Variants in GRAMD2A observed in about 807,000 individuals in gnomAD.
GRAMD2A encodes GRAM domain-containing protein 2A.
GRAMD2A carries 37 observed loss-of-function variants against 51.1 expected under a neutral mutation model. The observed-to-expected ratio is 0.72, with a 90% CI of 0.56 to 0.95. The LOEUF (loss-of-function observed/expected upper bound fraction) is 0.95, where lower values mean the gene tolerates loss of function less well. GRAMD2A is among the 40% of genes least tolerant of loss of function. GRAMD2A has a pLI of 0.00. For synonymous variants in GRAMD2A, 136 were observed against 157.1 expected, an observed-to-expected ratio of 0.87 and a Z score of 1.01; for missense variants, 414 against 426.9, an observed-to-expected ratio of 0.97 and a Z score of 0.27.
At chr15:72,188,745 T>C (rs982653028) in intron 1 of GRAMD2A, among the ~76,000 whole-genome samples, 4 of 152,122 alleles carry the variant, frequency 2.6e-5, no homozygotes, top group Admixed American at 2.6e-4. Flanking sequence ...TGCAGTGGCA[T>C]GATCTTGGCT....
At chr15:72,194,594 G>A (rs1024308662) in intron 1 of GRAMD2A, among the ~76,000 whole-genome samples, 2 of 152,144 alleles carry the variant, frequency 1.3e-5, no homozygotes, top group African/African-American at 4.8e-5. Context: ...TTTTTATCCA[G>A]AACTTAAAAC....
At chr15:72,184,025 T>TGCCCTCC (rs1433188198) in intron 1 of GRAMD2A, among the ~76,000 whole-genome samples, 1 of 152,166 alleles carries the variant, frequency 6.6e-6, no homozygotes, top group Non-Finnish European at 1.5e-5. Context: ...CCTCTGAACC[T>TGCCCTCC]GCCCTCCGCC....
chr15:72,180,187 G>A (rs1275924196), intron 1 of GRAMD2A, among the ~76,000 whole-genome samples: 1 of 152,214 alleles, frequency 6.6e-6, no homozygotes, highest in Non-Finnish European at 1.5e-5. Flanking sequence ...GGGATATCCA[G>A]GATTTCCTAC....
At position 72,195,777 on chromosome 15, in the gene GRAMD2A, G is replaced by A. The variant is rs1297640029; in HGVS notation, c.41+1954C>T. Among the ~76,000 whole-genome samples the A allele has an allele frequency of 3.9e-5, 6 of 152,174 alleles. No individual in the cohort carries two copies. In the East Asian group the frequency reaches 5.8e-4, roughly 15 times the overall value. On this transcript the variant is annotated intron_variant, in intron 1 of 11. Coordinates refer to ENST00000309731, the MANE Select transcript of GRAMD2A (RefSeq NM_001012642.3). ...TCTACTAAAAAATACAAAATTAGCC[G>A]GGTGTGGTGGCGCATGCCTGTAATC...
intron 10 of GRAMD2A, 101 bp downstream of exon 10, chr15:72,163,165 C>G: frequency 1.3e-6 from 1 of 768,188 alleles, no homozygotes; most frequent in Non-Finnish European, 2.2e-6. Flanking sequence ...CAGAAACTTC[C>G]CCCTGGTTCT....
intron 1 of GRAMD2A, among the ~76,000 whole-genome samples, chr15:72,193,573 A>C (rs965391678): frequency 6.8e-6 from 1 of 148,064 alleles, no homozygotes; most frequent in African/African-American, 2.5e-5. Context: ...CCCAGGCTGG[A>C]GTACAGTGGC....
intron 1 of GRAMD2A, 94 bp downstream of exon 1, chr15:72,197,637 G>C: frequency 9.7e-7 from 1 of 1,033,394 alleles, no homozygotes; most frequent in South Asian, 4.0e-5. Flanking sequence ...CCGAGTTGCC[G>C]CGGCCCCAGG....
chr15:72,185,760 G>C (rs2081730875), intron 1 of GRAMD2A, among the ~76,000 whole-genome samples: 1 of 152,184 alleles, frequency 6.6e-6, no homozygotes, highest in African/African-American at 2.4e-5. Context: ...TGAGAATTTA[G>C]TATAGCATGA....
chr15:72,165,555 G>A lies in GRAMD2A; in HGVS notation c.544-145C>T, dbSNP rs978468094. On this transcript the variant is annotated intron_variant, in intron 7 of 11. Transcript: ENST00000309731. Reference sequence around the variant, plus strand: ...GAAGCCCAGCTCCCAGGGTCTATAGGGGGCCCCCTATTTAATGCTGGAGCA... The same window carrying A: ...GAAGCCCAGCTCCCAGGGTCTATAGAGGGCCCCCTATTTAATGCTGGAGCA... 3.3e-5 allele frequency: 24 copies of A among 732,452 alleles called. No individual in the cohort carries two copies. In the East Asian group the frequency reaches 6.5e-4, roughly 20 times the overall value. 45.4% of individuals were successfully genotyped at this position (732,452 alleles called of 1,614,324 possible).
At chr15:72,183,497 A>G (rs1370853551) in intron 1 of GRAMD2A, among the ~76,000 whole-genome samples, 2 of 151,326 alleles carry the variant, frequency 1.3e-5, no homozygotes, top group East Asian at 4.0e-4. Flanking sequence ...CCTGGGCGAC[A>G]GAGCGAGACC....
intron 1 of GRAMD2A, among the ~76,000 whole-genome samples, chr15:72,194,789 G>A (rs1472910262): frequency 6.6e-6 from 1 of 152,088 alleles, no homozygotes; most frequent in Non-Finnish European, 1.5e-5. Flanking sequence ...CCAGGTTCCA[G>A]AGATTCTCCA....
At chr15:72,191,180 G>A (rs1430158665) in intron 1 of GRAMD2A, among the ~76,000 whole-genome samples, 3 of 152,048 alleles carry the variant, frequency 2.0e-5, no homozygotes, top group Non-Finnish European at 4.4e-5. Context: ...CTCAGGATAA[G>A]CAAATGGTTG....
At chr15:72,191,097 G>A (rs1156700170) in intron 1 of GRAMD2A, among the ~76,000 whole-genome samples, 1 of 152,112 alleles carries the variant, frequency 6.6e-6, no homozygotes, top group Non-Finnish European at 1.5e-5. Flanking sequence ...GGCTACTAGA[G>A]CCCATACCAC....
intron 1 of GRAMD2A, among the ~76,000 whole-genome samples, chr15:72,178,038 T>TAAAAGCC (rs2081668009): frequency 6.6e-6 from 1 of 152,184 alleles, no homozygotes; most frequent in African/African-American, 2.4e-5. Context: ...GGCTTTAGCT[T>TAAAAGCC]TTAAAGGCTC....
chr15:72,193,772 C>T (rs897361216), intron 1 of GRAMD2A, among the ~76,000 whole-genome samples: 4 of 152,026 alleles, frequency 2.6e-5, no homozygotes, highest in African/African-American at 4.8e-5. Flanking sequence ...GTGATCCGCC[C>T]GCCTCAGCCT....
chr15:72,169,996 A>T (rs1186663883), intron 1 of GRAMD2A, 57 bp from the exon 2 acceptor site: 1 of 1,306,716 alleles, frequency 7.7e-7, no homozygotes, highest in Non-Finnish European at 1.1e-6. Flanking sequence ...CCTTTCCCTA[A>T]CAGCCCCACC....
intron 5 of GRAMD2A, among the ~76,000 whole-genome samples, chr15:72,167,466 GAAATA>G (rs1284158044): frequency 2.6e-5 from 4 of 152,246 alleles, no homozygotes; most frequent in Non-Finnish European, 5.9e-5. Context: ...AAGCATTTCT[GAAATA>G]CCCAGAGGCA....
rs1441296315 is a variant in GRAMD2A at position 72,166,602 on chromosome 15, C to T, written c.543+30G>A. ...ACCTGCATCCAGGCCTGAGCGACTT[C>T]CCTGGCCTTCCTGCTCCCAAGCTCC... On this transcript the variant is annotated intron_variant, in intron 7 of 11. Transcript: ENST00000309731. The surrounding 1 kb of genome is among the most constrained non-coding windows in gnomAD (Gnocchi z 4.1). The T allele has an allele frequency of 1.9e-6, 3 of 1,581,042 alleles. No individual in the cohort carries two copies. The highest frequency in any genetic ancestry group is 1.3e-5 in the African/African-American group (1 of 74,308).
Position 72,160,733 on chromosome 15 carries a change from G to A in GRAMD2A, c.*1276C>T, listed in dbSNP as rs1436273818. 1.3e-5 allele frequency: 2 copies of A among 152,250 alleles called. No homozygotes were observed. The highest frequency in any genetic ancestry group is 1.9e-4 in the East Asian group (1 of 5,198). The allele number at this position is 152,250 out of a possible 1,614,324, so 9.4% of individuals were successfully genotyped here. A position where few individuals can be genotyped will look rare whatever the true frequency, so the allele number is the denominator to read the frequency against. ...TAGCAGATGGGAGTCCCAGGGCGATGAGGCCAGAGTTGTGGGACACAGAGA... is the reference window on the plus strand; with the variant it reads ...TAGCAGATGGGAGTCCCAGGGCGATAAGGCCAGAGTTGTGGGACACAGAGA... On this transcript the variant is annotated 3_prime_UTR_variant, in exon 12 of 12. Coordinates refer to ENST00000309731, the MANE Select transcript of GRAMD2A (RefSeq NM_001012642.3).
Sources: allele counts gnomAD v4.1 joint callset (sites outside exome capture counted in the v4.1 genomes callset), GRCh38; gene constraint gnomAD v4.1.1; non-coding constraint Gnocchi (gnomAD v3.1); transcripts MANE v1.5; gene names NCBI Gene and HGNC (gene_info 2026-07-23, HGNC 2026-07-21).